GOPC: variants seen among roughly 807,000 people sequenced by gnomAD.
GOPC encodes golgi associated PDZ and coiled-coil motif containing.
GOPC carries 32 observed loss-of-function variants against 51.2 expected under a neutral mutation model. The observed-to-expected ratio is 0.63, with a 90% CI of 0.47 to 0.84. The LOEUF is 0.84. Ranked by LOEUF, GOPC falls within the 40% of genes least tolerant of loss-of-function variation. The pLI is 0.00. For synonymous variants in GOPC, 190 were observed against 205.1 expected, an observed-to-expected ratio of 0.93 and a Z score of 0.63; for missense variants, 441 against 555.5, an observed-to-expected ratio of 0.79 and a Z score of 2.07.
At chr6:117,573,940 A>G (rs1207734044) in intron 4 of GOPC, among the ~76,000 whole-genome samples, 1 of 152,198 alleles carries the variant, frequency 6.6e-6, no homozygotes, top group Non-Finnish European at 1.5e-5. Flanking sequence ...TATGTCTTGC[A>G]TGCAAAGTCA....
intron 1 of GOPC, 88 bp downstream of exon 1, chr6:117,601,916 G>C: frequency 7.0e-7 from 1 of 1,423,038 alleles, no homozygotes; most frequent in East Asian, 2.4e-5. Context: ...CAGTTTTCTA[G>C]GGTCGTTTCA....
intron 1 of GOPC, among the ~76,000 whole-genome samples, chr6:117,599,312 T>A (rs764938795): frequency 6.6e-6 from 1 of 152,266 alleles, no homozygotes; most frequent in East Asian, 1.9e-4. Context: ...ATTAAAACAA[T>A]AGAACAAATT....
intron 1 of GOPC, among the ~76,000 whole-genome samples, chr6:117,586,899 A>C (rs940067978): frequency 3.3e-5 from 5 of 152,182 alleles, no homozygotes; most frequent in Non-Finnish European, 7.3e-5. Flanking sequence ...TTTCTTGTAC[A>C]CCTTCAAAAT....
intron 3 of GOPC, among the ~76,000 whole-genome samples, chr6:117,576,933 A>G (rs1779890686): frequency 6.6e-6 from 1 of 152,104 alleles, no homozygotes; most frequent in Non-Finnish European, 1.5e-5. Flanking sequence ...TTAAAAATGT[A>G]TTGTTATTTT....
intron 2 of GOPC, among the ~76,000 whole-genome samples, chr6:117,578,232 T>C (rs1453150380): frequency 2.0e-5 from 3 of 152,158 alleles, no homozygotes. Flanking sequence ...AGTGGCCATA[T>C]GGCCAATAGG....
chr6:117,581,849 CAT>C (rs1779963630), intron 1 of GOPC, among the ~76,000 whole-genome samples: 1 of 152,068 alleles, frequency 6.6e-6, no homozygotes, highest in African/African-American at 2.4e-5. Flanking sequence ...ATACATATTG[CAT>C]ATATTTCTCT....
At chr6:117,596,411 T>C (rs950156438) in intron 1 of GOPC, among the ~76,000 whole-genome samples, 5 of 152,270 alleles carry the variant, frequency 3.3e-5, no homozygotes, top group African/African-American at 1.2e-4. Flanking sequence ...TCCCATCTAT[T>C]TATCTTTGTT....
chr6:117,568,583 C>G (rs1583051333), intron 7 of GOPC, among the ~76,000 whole-genome samples: 1 of 152,172 alleles, frequency 6.6e-6, no homozygotes, highest in African/African-American at 2.4e-5. Flanking sequence ...TCTTAGATCT[C>G]TCTTGTCAGC....
At chr6:117,587,825 T>C (rs1780055791) in intron 1 of GOPC, among the ~76,000 whole-genome samples, 1 of 152,072 alleles carries the variant, frequency 6.6e-6, no homozygotes, top group African/African-American at 2.4e-5. Flanking sequence ...GTAGTCATTG[T>C]AGTCTTTGCT....
chr6:117,591,252 T>G (rs1293730035), intron 1 of GOPC, among the ~76,000 whole-genome samples: 1 of 152,044 alleles, frequency 6.6e-6, no homozygotes. Context: ...CAATGTGGTT[T>G]GGGAGCATGG....
intron 8 of GOPC, among the ~76,000 whole-genome samples, chr6:117,564,791 C>A (rs183150902): frequency 1.1e-4 from 17 of 152,276 alleles, no homozygotes; most frequent in African/African-American, 3.8e-4. Flanking sequence ...ATATGGAGAG[C>A]AGCCCAACAA....
intron 1 of GOPC, among the ~76,000 whole-genome samples, chr6:117,579,711 G>A (rs1779930925): frequency 6.6e-6 from 1 of 152,150 alleles, no homozygotes; most frequent in Middle Eastern, 3.4e-3. Context: ...ATTGTGCACA[G>A]GATGTGTCCC....
intron 1 of GOPC, among the ~76,000 whole-genome samples, chr6:117,597,934 A>G (rs1780224500): frequency 1.3e-5 from 2 of 152,136 alleles, no homozygotes; most frequent in African/African-American, 4.8e-5. Context: ...ACAAAGGAAT[A>G]CTACTTAGCC....
chr6:117,576,294 T>TG (rs1404163467), intron 3 of GOPC, among the ~76,000 whole-genome samples: 1 of 151,922 alleles, frequency 6.6e-6, no homozygotes, highest in Non-Finnish European at 1.5e-5. Context: ...ACTCAATTTC[T>TG]GGGAAAAAAA....
intron 1 of GOPC, among the ~76,000 whole-genome samples, chr6:117,585,955 T>C (rs1780026172): frequency 6.6e-6 from 1 of 152,352 alleles, no homozygotes; most frequent in Admixed American, 6.5e-5. Context: ...TATAATGAAC[T>C]ATAGCACAAA....
At chr6:117,584,320 G>C (rs988435158) in intron 1 of GOPC, among the ~76,000 whole-genome samples, 1 of 152,172 alleles carries the variant, frequency 6.6e-6, no homozygotes, top group Non-Finnish European at 1.5e-5. Context: ...CCCACAGATT[G>C]AGGGCTCTGT....
At chr6:117,578,673 T>C (rs958135542) in intron 2 of GOPC, among the ~76,000 whole-genome samples, 4 of 152,098 alleles carry the variant, frequency 2.6e-5, no homozygotes, top group African/African-American at 7.2e-5. Flanking sequence ...TATTTATACA[T>C]ATATTTTAAA....
intron 1 of GOPC, among the ~76,000 whole-genome samples, chr6:117,591,052 A>G (rs2114625422): frequency 6.6e-6 from 1 of 152,230 alleles, no homozygotes; most frequent in Middle Eastern, 3.4e-3. Context: ...GGGTTTCCCC[A>G]TGTTAGCCAG....
intron 6 of GOPC, 154 bp from the exon 7 acceptor site, chr6:117,569,890 A>G: frequency 1.2e-6 from 1 of 833,286 alleles, no homozygotes; most frequent in Non-Finnish European, 1.7e-6. Context: ...CTACTTAAGT[A>G]ATGGTAAAAA....
Sources: allele counts gnomAD v4.1 joint callset (sites outside exome capture counted in the v4.1 genomes callset), GRCh38; gene constraint gnomAD v4.1.1; transcripts MANE v1.5; gene names NCBI Gene and HGNC (gene_info 2026-07-23, HGNC 2026-07-21).